GMNC: variants seen among roughly 807,000 people sequenced by gnomAD.
GMNC encodes the protein geminin coiled-coil domain-containing protein 1.
A neutral mutation model predicts 33.6 loss-of-function variants in GMNC; 16 were observed. That is an observed-to-expected ratio of 0.48 (90% CI 0.32 to 0.72). GMNC has a LOEUF of 0.72. GMNC is among the 30% of genes least tolerant of loss of function. GMNC has a pLI of 0.03. For synonymous variants in GMNC, 156 were observed against 147.3 expected (o/e 1.06, Z -0.43); for missense variants, 393 against 388.9 (o/e 1.01, Z -0.09).
chr3:190,857,633 G>A, intron 4 of GMNC, 150 bp downstream of exon 4: 1 of 548,898 alleles, frequency 1.8e-6, no homozygotes, highest in Non-Finnish European at 3.3e-6. Flanking sequence ...AAAAATTCTT[G>A]TGAAAGAGCC....
downstream of GMNC, among the ~76,000 whole-genome samples, chr3:190,851,198 A>G (rs2108528161): frequency 6.6e-6 from 1 of 152,320 alleles, no homozygotes; most frequent in South Asian, 2.1e-4. Flanking sequence ...TCTTTTCATA[A>G]TTCCTCATGG....
At position 190,862,607 on chromosome 3, in the gene GMNC, A is replaced by G; in HGVS notation, c.3+6T>C. On this transcript the variant is annotated splice_donor_region_variant and intron_variant, in intron 1 of 4. Transcript: ENST00000442080. The surrounding 1 kb of genome is among the most constrained non-coding windows in gnomAD (Gnocchi z 4.5). ...GCGGACTAGCTAACGCCAGTTCCTCACTTACCATCTTGCAGTGGAAGAAAG... is the reference window on the plus strand; with the variant it reads ...GCGGACTAGCTAACGCCAGTTCCTCGCTTACCATCTTGCAGTGGAAGAAAG... 6.4e-7 allele frequency: 1 copy of G among 1,551,386 alleles called. No homozygotes were observed. The highest frequency in any genetic ancestry group is 8.7e-7 in the Non-Finnish European group (1 of 1,146,252).
the GMNC span, among the ~76,000 whole-genome samples, chr3:190,847,291 T>C: frequency 6.6e-6 from 1 of 152,186 alleles, no homozygotes; most frequent in Non-Finnish European, 1.5e-5. Context: ...GTTTGTACAA[T>C]AAATTATATA....
downstream of GMNC, among the ~76,000 whole-genome samples, chr3:190,851,408 C>T (rs9878421): frequency 1.3e-5 from 2 of 152,014 alleles, no homozygotes; most frequent in Non-Finnish European, 2.9e-5. Context: ...TCATAGCCTT[C>T]CTTGAAATCC....
rs1737663595 is a variant in GMNC, at chr3:190,853,173, AACAC to A, written c.*2118_*2121del. On this transcript the variant is annotated 3_prime_UTR_variant, in exon 5 of 5. Coordinates refer to ENST00000442080, the MANE Select transcript of GMNC (RefSeq NM_001146686.3). Reference sequence around the variant, plus strand: ...GCCTGGGTGTACCCTCATGGTACTTAACACATGATAAGGCACACAAAGAATGCAA... The same window carrying A: ...GCCTGGGTGTACCCTCATGGTACTTAATGATAAGGCACACAAAGAATGCAA... The A allele has an allele frequency of 6.6e-6, 1 of 152,170 alleles. No individual in the cohort carries two copies. Among genetic ancestry groups the A allele is most frequent in the Non-Finnish European group, 1.5e-5 (1 of 67,996 alleles). 9.4% of individuals were successfully genotyped at this position (152,170 alleles called of 1,614,324 possible). A position where few individuals can be genotyped will look rare whatever the true frequency, so the allele number is the denominator to read the frequency against.
downstream of GMNC, among the ~76,000 whole-genome samples, chr3:190,849,130 G>A (rs1737594189): frequency 6.6e-6 from 1 of 152,176 alleles, no homozygotes; most frequent in Non-Finnish European, 1.5e-5. Context: ...AAAGGAAGCA[G>A]CCTGCTAATT....
intron 2 of GMNC, chr3:190,859,922 G>A: frequency 2.7e-6 from 1 of 372,728 alleles, no homozygotes; most frequent in South Asian, 2.1e-5. Flanking sequence ...TTTTACTGTT[G>A]CTTGTAGTGG....
chr3:190,860,185 G>C (rs7640244), intron 2 of GMNC, among the ~76,000 whole-genome samples: 61,473 of 152,048 alleles, frequency 0.4, 14,046 homozygotes, highest in African/African-American at 0.63. Context: ...CAATGCTATA[G>C]TTCTCTCCAA....
At position 190,852,788 on chromosome 3, in the gene GMNC, C is replaced by T. The variant is rs1047502433; in HGVS notation, c.*2507G>A. 4 of 152,062 alleles carry T rather than the reference C, an allele frequency of 2.6e-5. No homozygotes were observed. Among genetic ancestry groups the T allele is most frequent in the Non-Finnish European group, 4.4e-5 (3 of 67,958 alleles). 9.4% of individuals were successfully genotyped at this position (152,062 alleles called of 1,614,324 possible). A position where few individuals can be genotyped will look rare whatever the true frequency, so the allele number is the denominator to read the frequency against. ...GGTATAAAAATAGTTACCGCAATCA[C>T]AAAAGAGTTTTTATTTCCCACTATA... On this transcript the variant is annotated 3_prime_UTR_variant, in exon 5 of 5. Coordinates refer to ENST00000442080, the MANE Select transcript of GMNC (RefSeq NM_001146686.3).
the GMNC span, among the ~76,000 whole-genome samples, chr3:190,844,406 A>G: frequency 1.3e-5 from 2 of 151,696 alleles, no homozygotes; most frequent in African/African-American, 4.8e-5. Context: ...ATCATTTTAT[A>G]CAATGAAGTT....
At chr3:190,844,600 AT>A in the GMNC span, among the ~76,000 whole-genome samples, 1 of 151,894 alleles carries the variant, frequency 6.6e-6, no homozygotes, top group African/African-American at 2.4e-5. Flanking sequence ...AGAAAAAAGT[AT>A]TTATCAATAT....
downstream of GMNC, among the ~76,000 whole-genome samples, chr3:190,850,069 G>A (rs9872878): frequency 0.091 from 13,794 of 152,080 alleles, 1,041 homozygotes; most frequent in African/African-American, 0.2. Context: ...ATGATAGCCC[G>A]CTTTTCCATC....
At position 190,861,022 on chromosome 3, in the gene GMNC, G is replaced by C. The variant is rs2108534044; in HGVS notation, c.4-164C>G. On this transcript the variant is annotated intron_variant, in intron 1 of 4. Transcript: ENST00000442080. This position sits in a 1 kb window ranked among gnomAD's most constrained non-coding sequence, Gnocchi z 5.1. ...ATAGATCCATATTAATTTTGGGGTG[G>C]TCAAATTATAATTACTAAAAGGGAA... Among the ~76,000 whole-genome samples, 1 of 152,260 alleles carries C rather than the reference G, an allele frequency of 6.6e-6. No individual in the cohort carries two copies. Among genetic ancestry groups the C allele is most frequent in the South Asian group, 2.1e-4 (1 of 4,826 alleles).
chr3:190,853,049 G>A lies in GMNC; in HGVS notation c.*2246C>T, dbSNP rs1021026914. 16 of 152,002 alleles carry A rather than the reference G, an allele frequency of 1.1e-4. No individual in the cohort carries two copies. The highest frequency in any genetic ancestry group is 3.9e-4 in the East Asian group (2 of 5,188). The allele number at this position is 152,002 out of a possible 1,614,324, so 9.4% of individuals were successfully genotyped here. A position where few individuals can be genotyped will look rare whatever the true frequency, so the allele number is the denominator to read the frequency against. ...CCATCACATTTTATCCCAAATGTTC[G>A]GTAATATCTTTAAACTGGGCCAAAA... On this transcript the variant is annotated 3_prime_UTR_variant, in exon 5 of 5. Coordinates refer to ENST00000442080, the MANE Select transcript of GMNC (RefSeq NM_001146686.3).
downstream of GMNC, among the ~76,000 whole-genome samples, chr3:190,851,674 T>C (rs926494629): frequency 1.3e-5 from 2 of 152,198 alleles, no homozygotes; most frequent in African/African-American, 4.8e-5. Flanking sequence ...TACTATTTCA[T>C]ACATTTGAAA....
chr3:190,850,695 G>A (rs916514933), downstream of GMNC, among the ~76,000 whole-genome samples: 3 of 152,018 alleles, frequency 2.0e-5, no homozygotes, highest in East Asian at 1.9e-4. Context: ...TTTCCTATTC[G>A]TGTGACAAAA....
At chr3:190,856,480 T>TTTATATGA (rs1737749507) in intron 4 of GMNC, among the ~76,000 whole-genome samples, 1 of 135,836 alleles carries the variant, frequency 7.4e-6, no homozygotes, top group African/African-American at 3.0e-5. Context: ...TATAAATAAA[T>TTTATATGA]ATAAATATAT....
In GMNC at chr3:190,855,683, G is replaced by A; in HGVS notation, c.617C>T (p.Ser206Leu). 2 of 1,551,624 alleles carry A rather than the reference G, an allele frequency of 1.3e-6. No individual in the cohort carries two copies. The highest frequency in any genetic ancestry group is 1.7e-6 in the Non-Finnish European group (2 of 1,146,924). ...KDLDTIDDTS[S>L]ANYSALASHP... ...AGATGCGAGGGCACTGTAGTTAGCT[G>A]ATGAGGTGTCATCGATAGTGTCAAG... Residue 206 changes from serine to leucine, a missense_variant, in exon 5 of 5, where the codon TCA (serine) becomes TTA (leucine). Ser to Leu is a moderately radical substitution (Grantham distance 145). Transcript: ENST00000442080.
chr3:190,852,676 A>AT (rs1737653429), downstream of GMNC, among the ~76,000 whole-genome samples: 1 of 152,152 alleles, frequency 6.6e-6, no homozygotes, highest in Admixed American at 6.6e-5. Context: ...TAGTCTGGCC[A>AT]TAGACATCAT....
Sources: gnomAD v4.1 joint callset for allele counts (sites outside exome capture counted in the v4.1 genomes callset) on GRCh38, gnomAD v4.1.1 for gene constraint, Gnocchi (gnomAD v3.1) non-coding constraint, MANE v1.5 for transcripts, NCBI Gene and HGNC (gene_info 2026-07-23, HGNC 2026-07-21) for gene names.